The following ART3 variants were observed in gnomAD, a reference collection of about 807,000 sequenced individuals.
The protein encoded by ART3 is ADP-ribosyltransferase 3 (inactive).
Under a neutral mutation model 48.5 loss-of-function variants are expected in ART3, and 49 were observed. That is an observed-to-expected ratio of 1.01 (90% CI 0.80 to 1.28). ART3 has a LOEUF of 1.28. Ranked by LOEUF, ART3 falls within the 50% of genes most tolerant of loss-of-function variation. The pLI is 0.00. For synonymous variants in ART3, 145 were observed against 157.2 expected, an observed-to-expected ratio of 0.92 and a Z score of 0.58; for missense variants, 438 against 454.3, an observed-to-expected ratio of 0.96 and a Z score of 0.33.
chr4:76,100,887 G>C, intron 7 of ART3, 63 bp downstream of exon 7: 1 of 1,600,170 alleles, frequency 6.2e-7, no homozygotes, highest in South Asian at 1.1e-5. Context: ...TTTACAGGTG[G>C]GAATATTTTC....
chr4:76,058,872 G>A (rs1328840981), intron 1 of ART3, among the ~76,000 whole-genome samples: 1 of 152,178 alleles, frequency 6.6e-6, no homozygotes, highest in African/African-American at 2.4e-5. Context: ...CCCTCAACCA[G>A]AATAGAGAGG....
chr4:76,022,720 T>A (rs930323843), intron 1 of ART3: 3 of 1,613,774 alleles, frequency 1.9e-6, no homozygotes, highest in Non-Finnish European at 2.5e-6. Flanking sequence ...AAAATTGGCT[T>A]GCAGGAATAA....
At chr4:76,022,484 T>C (rs1732943379) in intron 1 of ART3, 1 of 1,597,490 alleles carries the variant, frequency 6.3e-7, no homozygotes, top group African/African-American at 1.3e-5. Context: ...ATGAAAATAT[T>C]TAAAACTGTG....
At chr4:76,023,978 AAAGT>A (rs1259756710) in intron 1 of ART3, among the ~76,000 whole-genome samples, 1 of 152,208 alleles carries the variant, frequency 6.6e-6, no homozygotes, top group Non-Finnish European at 1.5e-5. Flanking sequence ...CAAATACTAT[AAAGT>A]AATAGGACTG....
chr4:76,068,010 A>G (rs1719911070), intron 1 of ART3, among the ~76,000 whole-genome samples: 1 of 152,178 alleles, frequency 6.6e-6, no homozygotes, highest in African/African-American at 2.4e-5. Context: ...TGACTCACCT[A>G]GTTCTCTTTC....
In ART3 at chr4:76,075,978, G is replaced by T; in HGVS notation, c.69+20G>T. On this transcript the variant is annotated intron_variant, in intron 2 of 11. Coordinates refer to ENST00000355810, the MANE Select transcript of ART3 (RefSeq NM_001130016.3). ...TTCCAGGTAATGTTGGGAATGGGAA[G>T]CATGTGGTCATTGGAATGGAAATTC... 6.4e-7 allele frequency: 1 copy of T among 1,567,604 alleles called. No individual in the cohort carries two copies. Among genetic ancestry groups the T allele is most frequent in the South Asian group, 1.1e-5 (1 of 87,332 alleles).
chr4:76,090,174 A>T (rs745852981), intron 3 of ART3, among the ~76,000 whole-genome samples: 2 of 152,232 alleles, frequency 1.3e-5, no homozygotes, highest in Non-Finnish European at 2.9e-5. Context: ...CAGGTCAGCC[A>T]CATGTTTGTG....
intron 1 of ART3, among the ~76,000 whole-genome samples, chr4:76,065,871 T>C (rs1191731106): frequency 1.3e-5 from 2 of 152,152 alleles, no homozygotes; most frequent in Non-Finnish European, 2.9e-5. Context: ...TTTCATTCCC[T>C]TTATAAAGTC....
At chr4:76,033,214 A>T (rs1734037729) in intron 1 of ART3, among the ~76,000 whole-genome samples, 1 of 152,174 alleles carries the variant, frequency 6.6e-6, no homozygotes. Context: ...TGGAAAATGG[A>T]CAAAGACCTA....
At chr4:76,107,840 A>G (rs760599501) in intron 11 of ART3, 47 bp downstream of exon 11, 4 of 1,408,838 alleles carry the variant, frequency 2.8e-6, no homozygotes, top group Non-Finnish European at 3.9e-6. Flanking sequence ...TGCTTCTGTA[A>G]TATAGAAAAA....
At position 76,102,825 on chromosome 4, in the gene ART3, T is replaced by C. The variant is rs1483835573; in HGVS notation, c.938-1112T>C. Reference sequence around the variant, plus strand: ...TTTCCAAATTATCTATAACGTATTATATAGTTAGGAAGCATATTTTATATA... The same window carrying C: ...TTTCCAAATTATCTATAACGTATTACATAGTTAGGAAGCATATTTTATATA... On this transcript the variant is annotated intron_variant, in intron 8 of 11. Coordinates refer to ENST00000355810, the MANE Select transcript of ART3 (RefSeq NM_001130016.3). Among the ~76,000 whole-genome samples the C allele has an allele frequency of 2.6e-5, 4 of 152,170 alleles. No individual in the cohort carries two copies. The East Asian group carries it at 7.7e-4, about 29-fold the overall frequency.
chr4:76,069,172 G>A lies in ART3; in HGVS notation c.-9-6709G>A, dbSNP rs761795681. On this transcript the variant is annotated intron_variant, in intron 1 of 9. Transcript: ENST00000341029. Reference sequence around the variant, plus strand: ...AAGATCAGTGACTTCCAGAGCCTTGGGTGAAGGGAGGAGATTGACTACAAA... The same window carrying A: ...AAGATCAGTGACTTCCAGAGCCTTGAGTGAAGGGAGGAGATTGACTACAAA... Among the ~76,000 whole-genome samples the A allele has an allele frequency of 3.9e-4, 60 of 152,156 alleles. 1 individual carries two copies. Among genetic ancestry groups the A allele is most frequent in the Non-Finnish European group, 2.9e-5 (2 of 68,034 alleles).
At chr4:76,108,448 A>G (rs999572700) in intron 11 of ART3, among the ~76,000 whole-genome samples, 8 of 152,212 alleles carry the variant, frequency 5.3e-5, no homozygotes, top group African/African-American at 1.9e-4. Context: ...ATGTATGTCT[A>G]GCAGTACATT....
At chr4:76,035,154 G>A (rs766720116) in intron 1 of ART3, 1 of 1,612,880 alleles carries the variant, frequency 6.2e-7, no homozygotes, top group Non-Finnish European at 8.5e-7. Context: ...TTAAAGTTTA[G>A]ATGCAAATAC....
At chr4:76,110,566 A>G (rs1179671024) in intron 11 of ART3, among the ~76,000 whole-genome samples, 2 of 134,392 alleles carry the variant, frequency 1.5e-5, no homozygotes, top group Non-Finnish European at 3.2e-5. Flanking sequence ...AGAAAATGGA[A>G]ATAGAAAAAT....
chr4:76,100,629 C>CAAA lies in ART3; in HGVS notation c.878-149_878-147dup, dbSNP rs71659303. On this transcript the variant is annotated intron_variant, in intron 6 of 11. Coordinates refer to ENST00000355810, the MANE Select transcript of ART3 (RefSeq NM_001130016.3). ...CTGGAAACAGAGCGAGGCTCCGTCT[C>CAAA]AAAAAAAAAAAAAAAAAAATTCTGG... Among the ~76,000 whole-genome samples the CAAA allele has an allele frequency of 6.8e-3, 600 of 87,990 alleles. 5 individuals are homozygous for CAAA. The highest frequency in any genetic ancestry group is 0.011 in the Non-Finnish European group (445 of 42,206). The allele number at this position is 87,990 out of a possible 152,430, so 57.7% of individuals were successfully genotyped here.
chr4:76,029,886 G>A (rs1389582539), intron 1 of ART3, among the ~76,000 whole-genome samples: 2 of 148,634 alleles, frequency 1.3e-5, no homozygotes, highest in African/African-American at 5.0e-5. Context: ...ATTTAAAATC[G>A]AATCTGCAGT....
At chr4:76,104,305 T>C (rs868815391) in intron 9 of ART3, 3 of 966,674 alleles carry the variant, frequency 3.1e-6, no homozygotes, top group South Asian at 9.6e-5. Context: ...TACGCACAAG[T>C]TGACTGTTAG....
chr4:76,020,846 C>G (rs1366992965), intron 1 of ART3, among the ~76,000 whole-genome samples: 1 of 151,498 alleles, frequency 6.6e-6, no homozygotes, highest in Non-Finnish European at 1.5e-5. Context: ...AGAGGAAGAC[C>G]CTGTGTCTAA....
Sources: allele counts gnomAD v4.1 joint callset (sites outside exome capture counted in the v4.1 genomes callset), GRCh38; gene constraint gnomAD v4.1.1; transcripts MANE v1.5; gene names NCBI Gene and HGNC (gene_info 2026-07-23, HGNC 2026-07-21).